Variants in TTLL5 observed in about 807,000 individuals in gnomAD.
The protein encoded by TTLL5 is tubulin tyrosine ligase like 5, also known as tubulin polyglutamylase TTLL5.
Under a neutral mutation model 168.4 loss-of-function variants are expected in TTLL5, and 132 were observed. That is an observed-to-expected ratio of 0.78 (90% CI 0.68 to 0.91). The LOEUF (loss-of-function observed/expected upper bound fraction) is 0.91. TTLL5 is among the 40% of genes least tolerant of loss of function. The pLI is 0.00. For synonymous variants in TTLL5, 546 were observed against 558.6 expected, an observed-to-expected ratio of 0.98 and a Z score of 0.32; for missense variants, 1,545 against 1,581.5, an observed-to-expected ratio of 0.98 and a Z score of 0.39.
intron 15 of TTLL5, among the ~76,000 whole-genome samples, chr14:75,738,841 A>G (rs542416183): frequency 4.6e-5 from 7 of 152,212 alleles, no homozygotes; most frequent in East Asian, 1.9e-4. Flanking sequence ...GTGTCACTCC[A>G]TCACCCAGGC....
At chr14:75,826,449 TAAA>T (rs938790056) in intron 28 of TTLL5, among the ~76,000 whole-genome samples, 1 of 145,966 alleles carries the variant, frequency 6.9e-6, no homozygotes, top group Admixed American at 6.9e-5. Context: ...ACTACAACGT[TAAA>T]AAAAAAAGAG....
At chr14:75,738,157 T>A (rs561025663) in intron 15 of TTLL5, among the ~76,000 whole-genome samples, 22 of 152,348 alleles carry the variant, frequency 1.4e-4, no homozygotes, top group African/African-American at 5.3e-4. Flanking sequence ...TTCTGAATGA[T>A]CAGCATTTGC....
At chr14:75,841,772 TAG>T (rs1896268910) in intron 28 of TTLL5, among the ~76,000 whole-genome samples, 1 of 152,210 alleles carries the variant, frequency 6.6e-6, no homozygotes, top group Non-Finnish European at 1.5e-5. Context: ...TACACACATG[TAG>T]CCACATGTTA....
At chr14:75,670,201 T>C (rs1331131345) in intron 3 of TTLL5, among the ~76,000 whole-genome samples, 1 of 152,182 alleles carries the variant, frequency 6.6e-6, no homozygotes, top group African/African-American at 2.4e-5. Context: ...ATTTTTTTTG[T>C]TTCCACCTTT....
At chr14:75,731,478 G>T (rs905675719) in intron 12 of TTLL5, among the ~76,000 whole-genome samples, 37 of 151,358 alleles carry the variant, frequency 2.4e-4, no homozygotes, top group African/African-American at 9.0e-4. Context: ...AATAAGAAGG[G>T]TTTCAAAGTT....
chr14:75,742,856 T>C (rs1465250164), intron 15 of TTLL5, among the ~76,000 whole-genome samples: 1 of 152,240 alleles, frequency 6.6e-6, no homozygotes, highest in African/African-American at 2.4e-5. Flanking sequence ...GTGTTCACAC[T>C]TTTTAAAGAT....
intron 25 of TTLL5, among the ~76,000 whole-genome samples, chr14:75,782,857 T>A (rs1892138125): frequency 6.6e-6 from 1 of 152,106 alleles, no homozygotes; most frequent in South Asian, 2.1e-4. Flanking sequence ...GGAGACTTCA[T>A]CTTGATGTCC....
chr14:75,848,063 A>T (rs954296536), intron 28 of TTLL5, among the ~76,000 whole-genome samples: 5 of 151,878 alleles, frequency 3.3e-5, no homozygotes, highest in African/African-American at 1.2e-4. Context: ...CAGGTGGAGA[A>T]GGTTTAAAAA....
intron 4 of TTLL5, among the ~76,000 whole-genome samples, chr14:75,682,387 G>A (rs1884690585): frequency 6.6e-6 from 1 of 152,130 alleles, no homozygotes; most frequent in South Asian, 2.1e-4. Flanking sequence ...GGAGAGGCCT[G>A]CATGGCTGGC....
rs1319602016 is a variant in TTLL5 at position 75,871,238 on chromosome 14, G to A, written c.3522+7376G>A. ...GTTGCTTTCTAAGCTGCTCCTAGGG[G>A]AATATTCTTCTGGAATCTTAGAGGA... is the stretch of plus-strand genomic sequence containing the variant. On this transcript the variant is annotated intron_variant, in intron 29 of 31. Transcript: ENST00000298832. Among the ~76,000 whole-genome samples, 3 of 152,174 alleles carry A rather than the reference G, an allele frequency of 2.0e-5. No individual in the cohort carries two copies. In the East Asian group the frequency reaches 5.8e-4, roughly 29 times the overall value.
intron 29 of TTLL5, among the ~76,000 whole-genome samples, chr14:75,867,360 A>C (rs2030608850): frequency 6.6e-6 from 1 of 152,194 alleles, no homozygotes; most frequent in South Asian, 2.1e-4. Context: ...TAACCTAATG[A>C]ATAGGCAGAA....
chr14:75,683,844 G>T, intron 5 of TTLL5, 188 bp downstream of exon 5: 1 of 444,454 alleles, frequency 2.2e-6, no homozygotes, highest in South Asian at 2.2e-5. Flanking sequence ...CATGATCTTG[G>T]CTCACTGCAA....
chr14:75,783,700 A>G (rs1278146386), intron 26 of TTLL5, among the ~76,000 whole-genome samples, 170 bp downstream of exon 26: 1 of 152,216 alleles, frequency 6.6e-6, no homozygotes, highest in African/African-American at 2.4e-5. Flanking sequence ...ATCCAGTAGC[A>G]TGCCTTCATT....
intron 31 of TTLL5, among the ~76,000 whole-genome samples, chr14:75,909,070 A>C (rs1007598447): frequency 2.6e-5 from 4 of 151,854 alleles, no homozygotes. Flanking sequence ...GAACCACCAC[A>C]CCTGGCCATT....
At chr14:75,671,406 G>A (rs1436423218) in intron 3 of TTLL5, among the ~76,000 whole-genome samples, 1 of 152,086 alleles carries the variant, frequency 6.6e-6, no homozygotes, top group African/African-American at 2.4e-5. Context: ...ATGAATGTTA[G>A]GATCAGCTTT....
At chr14:75,882,327 C>T (rs1397235244) in intron 29 of TTLL5, among the ~76,000 whole-genome samples, 2 of 152,190 alleles carry the variant, frequency 1.3e-5, no homozygotes, top group Admixed American at 6.5e-5. Flanking sequence ...TCTAGTACTT[C>T]ACGCCTCGAA....
chr14:75,679,047 C>A (rs1044130295), intron 3 of TTLL5, among the ~76,000 whole-genome samples: 2 of 152,176 alleles, frequency 1.3e-5, no homozygotes, highest in Admixed American at 6.5e-5. Flanking sequence ...TAATAGCTTT[C>A]TCTTGTGTGG....
rs931246165 is a variant in TTLL5 at position 75,902,069 on chromosome 14, G to A, written c.3741-73G>A. The stretch of plus-strand genomic sequence containing the variant: ...AGAAGCAGCACCAAGAGCAAGAAGC[G>A]AAGCCATCAGAGGTCCTGCACCTGA... On this transcript the variant is annotated intron_variant, in intron 30 of 31. Transcript: ENST00000298832. The A allele has an allele frequency of 4.7e-5, 62 of 1,312,610 alleles. 1 individual carries two copies. The Admixed American group carries it at 9.4e-4, about 20-fold the overall frequency. 81.3% of individuals were successfully genotyped at this position (1,312,610 alleles called of 1,614,324 possible). A position where few individuals can be genotyped will look rare whatever the true frequency, so the allele number is the denominator to read the frequency against.
intron 7 of TTLL5, among the ~76,000 whole-genome samples, chr14:75,701,761 G>A (rs1886294687): frequency 6.6e-6 from 1 of 152,152 alleles, no homozygotes; most frequent in Admixed American, 6.5e-5. Context: ...TTCCTTGGCT[G>A]ATCCCTGAGC....
Sources: gnomAD v4.1 joint callset for allele counts (sites outside exome capture counted in the v4.1 genomes callset) on GRCh38, gnomAD v4.1.1 for gene constraint, MANE v1.5 for transcripts, NCBI Gene and HGNC (gene_info 2026-07-23, HGNC 2026-07-21) for gene names.